The following DSCAM variants were observed in gnomAD, a reference collection of about 807,000 sequenced individuals.
DSCAM encodes DS cell adhesion molecule, also known as cell adhesion molecule DSCAM.
DSCAM carries 47 observed loss-of-function variants against 217.7 expected under a neutral mutation model. The observed-to-expected ratio is 0.22, with a 90% CI of 0.17 to 0.28. The LOEUF (loss-of-function observed/expected upper bound fraction) is 0.28, where lower values mean the gene tolerates loss of function less well. Among genes scored for constraint, DSCAM ranks in the 10% least tolerant of loss-of-function variants. The pLI, the probability that DSCAM is intolerant of heterozygous loss-of-function variation, is 1.00. For synonymous variants in DSCAM, 1,056 were observed against 1,015.3 expected (o/e 1.04, Z -0.76); for missense variants, 2,080 against 2,618.3 (o/e 0.79, Z 4.49).
chr21:40,078,612 G>A (rs898595865), intron 26 of DSCAM, 75 bp downstream of exon 26: 30 of 1,543,338 alleles, frequency 1.9e-5, no homozygotes, highest in East Asian at 4.5e-5. Flanking sequence ...GATGATGTTC[G>A]ATGGGAAAGG....
At chr21:40,636,464 G>A (rs912531810) in intron 3 of DSCAM, among the ~76,000 whole-genome samples, 3 of 152,016 alleles carry the variant, frequency 2.0e-5, no homozygotes, top group African/African-American at 7.2e-5. Flanking sequence ...TTGATTCTTA[G>A]GTTATATTTG....
chr21:40,378,226 C>T (rs533538946), intron 3 of DSCAM, among the ~76,000 whole-genome samples: 2 of 152,092 alleles, frequency 1.3e-5, no homozygotes, highest in African/African-American at 4.8e-5. Flanking sequence ...AATTGCTGAA[C>T]AAAATTTACT....
At chr21:40,535,093 A>G (rs1453203887) in intron 3 of DSCAM, among the ~76,000 whole-genome samples, 1 of 152,136 alleles carries the variant, frequency 6.6e-6, no homozygotes, top group Non-Finnish European at 1.5e-5. Context: ...CCTGCTCCCT[A>G]TCTGATCTGC....
intron 1 of DSCAM, among the ~76,000 whole-genome samples, chr21:40,836,258 G>A (rs957012689): frequency 2.6e-5 from 4 of 152,276 alleles, no homozygotes; most frequent in South Asian, 2.1e-4. Flanking sequence ...AGCTGCTATC[G>A]AAGAAGGGAC....
chr21:40,680,923 C>T (rs2090393914), intron 3 of DSCAM, among the ~76,000 whole-genome samples: 1 of 152,140 alleles, frequency 6.6e-6, no homozygotes, highest in African/African-American at 2.4e-5. Context: ...TGTAAATACT[C>T]TCATTACTTC....
At chr21:40,277,359 A>G (rs2073700800) in intron 10 of DSCAM, among the ~76,000 whole-genome samples, 1 of 152,082 alleles carries the variant, frequency 6.6e-6, no homozygotes, top group Non-Finnish European at 1.5e-5. Flanking sequence ...AGAATGGGAG[A>G]CACTTCCTCT....
chr21:40,244,423 C>A (rs537592091), intron 11 of DSCAM, among the ~76,000 whole-genome samples: 139 of 150,888 alleles, frequency 9.2e-4, no homozygotes, highest in African/African-American at 3.2e-3. Context: ...TGCACTCCAG[C>A]CTGGGTGACA....
At chr21:40,667,649 C>T (rs1471726363) in intron 3 of DSCAM, among the ~76,000 whole-genome samples, 2 of 149,896 alleles carry the variant, frequency 1.3e-5, no homozygotes, top group South Asian at 4.2e-4. Context: ...TACCCCCATG[C>T]TATTCTCGTG....
chr21:40,591,003 C>T (rs896598159), intron 3 of DSCAM, among the ~76,000 whole-genome samples: 2 of 152,188 alleles, frequency 1.3e-5, no homozygotes, highest in Admixed American at 1.3e-4. Context: ...TCCCCATAAT[C>T]CCCATGTGTC....
chr21:40,417,771 T>C (rs1017397744), intron 3 of DSCAM, among the ~76,000 whole-genome samples: 1 of 152,192 alleles, frequency 6.6e-6, no homozygotes, highest in African/African-American at 2.4e-5. Flanking sequence ...AAAAAATCCC[T>C]TTCACATAAG....
chr21:40,153,664 A>G (rs551519130), intron 16 of DSCAM, among the ~76,000 whole-genome samples: 1 of 152,180 alleles, frequency 6.6e-6, no homozygotes, highest in Non-Finnish European at 1.5e-5. Flanking sequence ...GAAAACTGTT[A>G]GAGCTGCAAG....
At chr21:40,497,570 T>A (rs1376079535) in intron 3 of DSCAM, among the ~76,000 whole-genome samples, 1 of 152,196 alleles carries the variant, frequency 6.6e-6, no homozygotes, top group Non-Finnish European at 1.5e-5. Flanking sequence ...GTGACTGCAA[T>A]TAATAACAAC....
chr21:40,676,126 A>C (rs1430542348), intron 3 of DSCAM, among the ~76,000 whole-genome samples: 1 of 152,236 alleles, frequency 6.6e-6, no homozygotes, highest in African/African-American at 2.4e-5. Context: ...AAAAGAAAGT[A>C]ATCATCCATA....
intron 20 of DSCAM, among the ~76,000 whole-genome samples, chr21:40,113,184 C>G (rs964806550): frequency 6.6e-6 from 1 of 151,808 alleles, no homozygotes; most frequent in African/African-American, 2.4e-5. Flanking sequence ...ACTGGCAAAC[C>G]GAATAAGCAC....
intron 3 of DSCAM, among the ~76,000 whole-genome samples, chr21:40,458,398 G>C (rs2075780347): frequency 6.6e-6 from 1 of 152,088 alleles, no homozygotes. Context: ...ATATGAAGTA[G>C]AACCTAGGTA....
rs1021555277 is a variant in DSCAM at position 40,625,149 on chromosome 21, G to A, written c.508+67661C>T. 3.3e-5 allele frequency among the ~76,000 whole-genome samples: 5 copies of A among 152,050 alleles called. No homozygotes were observed. In the South Asian group the frequency reaches 1.0e-3, roughly 32 times the overall value. ...TATGAACAATTTCTGAAACAGGAATGAGTAACCTGAAAAAATGAGAGATGT... is the reference window on the plus strand; with the variant it reads ...TATGAACAATTTCTGAAACAGGAATAAGTAACCTGAAAAAATGAGAGATGT... On this transcript the variant is annotated intron_variant, in intron 3 of 32. Coordinates refer to ENST00000400454, the MANE Select transcript of DSCAM (RefSeq NM_001389.5).
At chr21:40,201,984 A>G (rs1240331336) in intron 11 of DSCAM, among the ~76,000 whole-genome samples, 3 of 152,186 alleles carry the variant, frequency 2.0e-5, no homozygotes, top group African/African-American at 7.2e-5. Flanking sequence ...TCCACATTTT[A>G]TCACTCTGAG....
At chr21:40,087,391 A>G (rs2089547221) in intron 21 of DSCAM, 104 bp from the exon 22 acceptor site, 1 of 815,188 alleles carries the variant, frequency 1.2e-6, no homozygotes, top group Non-Finnish European at 2.1e-6. Flanking sequence ...ATGGATGTGA[A>G]GCCAATTCAC....
intron 3 of DSCAM, among the ~76,000 whole-genome samples, chr21:40,599,676 G>T (rs879418426): frequency 1.3e-5 from 2 of 152,034 alleles, no homozygotes; most frequent in Non-Finnish European, 2.9e-5. Context: ...CCAGGAGCTG[G>T]TTTTTTGAAA....
Sources: gnomAD v4.1 joint callset for allele counts (sites outside exome capture counted in the v4.1 genomes callset) on GRCh38, gnomAD v4.1.1 for gene constraint, MANE v1.5 for transcripts, NCBI Gene and HGNC (gene_info 2026-07-23, HGNC 2026-07-21) for gene names.